Variants in DGKI observed in about 807,000 individuals in gnomAD.
DGKI encodes DAG kinase iota.
In DGKI, 55 loss-of-function variants were observed where a neutral mutation model predicts 147.5. The observed-to-expected ratio is 0.37, with a 90% CI of 0.30 to 0.47. DGKI has a LOEUF of 0.47. DGKI is among the 20% of genes least tolerant of loss of function. DGKI has a pLI of 1.00. For synonymous variants in DGKI, 469 were observed against 477.1 expected, an observed-to-expected ratio of 0.98 and a Z score of 0.22; for missense variants, 1,007 against 1,323.8, an observed-to-expected ratio of 0.76 and a Z score of 3.71.
At position 137,757,570 on chromosome 7, in the gene DGKI, G is replaced by A. The variant is rs113934642; in HGVS notation, c.402-67568C>T. The stretch of plus-strand genomic sequence containing the variant: ...CTGTCAGAGACCATTCTCCTGACCC[G>A]CTGGAAGGGAATGGCTCATATTCAA... On this transcript the variant is annotated intron_variant, in intron 1 of 32. Coordinates refer to ENST00000614521, the MANE Select transcript of DGKI (RefSeq NM_001321708.2). Among the ~76,000 whole-genome samples, 581 of 152,162 alleles carry A rather than the reference G, an allele frequency of 3.8e-3. 4 individuals are homozygous for A. The highest frequency in any genetic ancestry group is 0.013 in the African/African-American group (546 of 41,516).
At chr7:137,415,102 C>T (rs142989398) in intron 28 of DGKI, among the ~76,000 whole-genome samples, 62 of 152,008 alleles carry the variant, frequency 4.1e-4, no homozygotes, top group African/African-American at 1.4e-3. Flanking sequence ...AATATAGAAC[C>T]CATCGGATTA....
At chr7:137,495,123 C>T (rs1271529644) in intron 21 of DGKI, among the ~76,000 whole-genome samples, 1 of 151,802 alleles carries the variant, frequency 6.6e-6, no homozygotes, top group Non-Finnish European at 1.5e-5. Flanking sequence ...CACTTCTGAC[C>T]CCACAGAAAT....
intron 30 of DGKI, among the ~76,000 whole-genome samples, chr7:137,397,935 T>C (rs1811611896): frequency 6.6e-6 from 1 of 152,154 alleles, no homozygotes; most frequent in South Asian, 2.1e-4. Context: ...AGATGCATCC[T>C]TAGGAATGGA....
At chr7:137,626,641 G>C (rs1820951261) in intron 6 of DGKI, among the ~76,000 whole-genome samples, 1 of 151,970 alleles carries the variant, frequency 6.6e-6, no homozygotes, top group Non-Finnish European at 1.5e-5. Flanking sequence ...ATTTTTCAGG[G>C]AGCAAAAAAA....
chr7:137,472,345 T>TATG (rs1563040195), intron 23 of DGKI, among the ~76,000 whole-genome samples: 1 of 54,168 alleles, frequency 1.8e-5, no homozygotes, highest in African/African-American at 1.5e-4. Flanking sequence ...ATACATATAA[T>TATG]TATTATATGT....
At chr7:137,419,324 C>T (rs977038664) in intron 28 of DGKI, among the ~76,000 whole-genome samples, 1 of 152,206 alleles carries the variant, frequency 6.6e-6, no homozygotes, top group Non-Finnish European at 1.5e-5. Context: ...CTTATCATGA[C>T]TGAAGTCTTC....
chr7:137,471,167 T>A (rs1814868241), intron 23 of DGKI, among the ~76,000 whole-genome samples: 1 of 152,038 alleles, frequency 6.6e-6, no homozygotes, highest in Admixed American at 6.6e-5. Context: ...TGGTTTGCAG[T>A]GGAATTGAAA....
At chr7:137,465,635 A>C (rs1814624726) in intron 26 of DGKI, among the ~76,000 whole-genome samples, 1 of 152,216 alleles carries the variant, frequency 6.6e-6, no homozygotes, top group Non-Finnish European at 1.5e-5. Flanking sequence ...CTACAAACGT[A>C]CAAGCACAAA....
rs138819996 is a variant in DGKI, at chr7:137,602,566, G to A, written c.1168-2661C>T. ...AAAATGTAAGTATCTAAAAGAAAGC[G>A]TTGAAAAAATGCTCCACCTAGTGTG... On this transcript the variant is annotated intron_variant, in intron 10 of 32. Transcript: ENST00000614521. 1.7e-4 allele frequency among the ~76,000 whole-genome samples: 26 copies of A among 152,160 alleles called. No homozygotes were observed. The East Asian group carries it at 3.3e-3, about 19-fold the overall frequency.
At chr7:137,625,473 A>G (rs1044291785) in intron 6 of DGKI, among the ~76,000 whole-genome samples, 6 of 151,846 alleles carry the variant, frequency 4.0e-5, no homozygotes, top group Non-Finnish European at 7.4e-5. Context: ...AAAAATAATA[A>G]AATAAAAAAT....
At position 137,472,160 on chromosome 7, in the gene DGKI, T is replaced by TG. The variant is rs1234808535; in HGVS notation, c.2374-2542_2374-2541insC. Reference sequence around the variant, plus strand: ...ATATATGTGTATATACATATAAATATTATATATACACATATATATGTATAT... The same window carrying TG: ...ATATATGTGTATATACATATAAATATGTATATATACACATATATATGTATAT... On this transcript the variant is annotated intron_variant, in intron 23 of 32. Transcript: ENST00000614521. 4.1e-5 allele frequency among the ~76,000 whole-genome samples: 5 copies of TG among 120,808 alleles called. No individual in the cohort carries two copies. In the South Asian group the frequency reaches 9.5e-4, roughly 23 times the overall value. The allele number at this position is 120,808 out of a possible 152,430, so 79.3% of individuals were successfully genotyped here.
At chr7:137,452,430 C>A (rs1814005886) in intron 27 of DGKI, among the ~76,000 whole-genome samples, 1 of 152,168 alleles carries the variant, frequency 6.6e-6, no homozygotes, top group African/African-American at 2.4e-5. Flanking sequence ...GAATGCTGGG[C>A]AAGCTAGACA....
At chr7:137,531,973 T>G (rs1279357806) in intron 20 of DGKI, among the ~76,000 whole-genome samples, 1 of 151,828 alleles carries the variant, frequency 6.6e-6, no homozygotes, top group East Asian at 1.9e-4. Context: ...AACAGCATTT[T>G]AACCAAAATA....
chr7:137,744,154 A>G (rs892674818), intron 1 of DGKI, among the ~76,000 whole-genome samples: 5 of 152,152 alleles, frequency 3.3e-5, no homozygotes, highest in Non-Finnish European at 5.9e-5. Flanking sequence ...TACCTAGATT[A>G]ACAAAGAAAA....
In DGKI at chr7:137,475,407, T is replaced by A. The variant is rs114720685; in HGVS notation, c.2374-5788A>T. Among the ~76,000 whole-genome samples the A allele has an allele frequency of 4.6e-3, 694 of 152,344 alleles. 5 individuals are homozygous for A. Among genetic ancestry groups the A allele is most frequent in the African/African-American group, 0.015 (639 of 41,570 alleles). ...ACAGGATATTGTCTTCAAGGCTGAATGTCTTCTATCACCAACAAGCATACA... is the reference window on the plus strand; with the variant it reads ...ACAGGATATTGTCTTCAAGGCTGAAAGTCTTCTATCACCAACAAGCATACA... On this transcript the variant is annotated intron_variant, in intron 23 of 32. Coordinates refer to ENST00000614521, the MANE Select transcript of DGKI (RefSeq NM_001321708.2).
intron 1 of DGKI, among the ~76,000 whole-genome samples, chr7:137,696,082 T>C (rs1052697493): frequency 1.3e-5 from 2 of 152,176 alleles, no homozygotes; most frequent in Non-Finnish European, 2.9e-5. Context: ...AGGTACATGG[T>C]AAATCTCTGA....
intron 2 of DGKI, among the ~76,000 whole-genome samples, chr7:137,679,990 C>CAAAAAAAAAA (rs768437551): frequency 0.012 from 652 of 54,020 alleles, 34 homozygotes; most frequent in African/African-American, 0.036. Context: ...GACTCCATCT[C>CAAAAAAAAAA]AAAAAAAAAA....
Position 137,846,134 on chromosome 7 carries a change from T to TTCTCTCCCTCTC in DGKI, c.401+327_401+328insGAGAGGGAGAGA, listed in dbSNP as rs1798710066. Reference sequence around the variant, plus strand: ...TCTGCAACCCTTTCTCTCTCTCTCTTTCTCTCTCTCTCTCTCTCTCTCTCT... The same window carrying TTCTCTCCCTCTC: ...TCTGCAACCCTTTCTCTCTCTCTCTTTCTCTCCCTCTCTCTCTCTCTCTCTCTCTCTCTCTCT... On this transcript the variant is annotated intron_variant, in intron 1 of 32. Coordinates refer to ENST00000614521, the MANE Select transcript of DGKI (RefSeq NM_001321708.2). The surrounding 1 kb of genome is among the most constrained non-coding windows in gnomAD (Gnocchi z 4.0). Among the ~76,000 whole-genome samples the TTCTCTCCCTCTC allele has an allele frequency of 1.2e-5, 1 of 85,328 alleles. No individual in the cohort carries two copies. The highest frequency in any genetic ancestry group is 5.1e-5 in the African/African-American group (1 of 19,744). The allele number at this position is 85,328 out of a possible 152,430, so 56.0% of individuals were successfully genotyped here.
At position 137,641,489 on chromosome 7, in the gene DGKI, G is replaced by A. The variant is rs114204584; in HGVS notation, c.804+3983C>T. On this transcript the variant is annotated intron_variant, in intron 6 of 32. Transcript: ENST00000614521. ...CACACCTGACCTCATGTGATAGCTC[G>A]TAGTAAAAACGTTGTTTCATGCACA... 3.7e-3 allele frequency among the ~76,000 whole-genome samples: 568 copies of A among 152,278 alleles called. 4 individuals carry two copies. Among genetic ancestry groups the A allele is most frequent in the African/African-American group, 0.012 (502 of 41,546 alleles).
Sources: allele counts gnomAD v4.1 joint callset (sites outside exome capture counted in the v4.1 genomes callset), GRCh38; gene constraint gnomAD v4.1.1; non-coding constraint Gnocchi (gnomAD v3.1); transcripts MANE v1.5; gene names NCBI Gene and HGNC (gene_info 2026-07-23, HGNC 2026-07-21).